The following CACNA1E variants were observed in gnomAD, a reference collection of about 807,000 sequenced individuals.
CACNA1E encodes the protein voltage-dependent R-type calcium channel subunit alpha-1E.
A neutral mutation model predicts 259.2 loss-of-function variants in CACNA1E; 40 were observed. The ratio of observed to expected loss-of-function variants is 0.15; its 90% CI spans 0.12 to 0.20. The LOEUF (loss-of-function observed/expected upper bound fraction) is 0.20, where lower values mean the gene tolerates loss of function less well. CACNA1E is among the 10% of genes least tolerant of loss of function. The pLI is 1.00. For synonymous variants in CACNA1E, 1,104 were observed against 1,138.5 expected (o/e 0.97, Z 0.61); for missense variants, 1,874 against 3,040.1 (o/e 0.62, Z 9.02).
rs780928285 is a variant in CACNA1E at position 181,798,861 on chromosome 1, T to C, written c.*27T>C. ...GGCTGCTCCCCCCTCCGATGCATGC[T>C]CTTCTCTCACATGGAGAAAACCAAG... is the stretch of plus-strand genomic sequence containing the variant. On this transcript the variant is annotated 3_prime_UTR_variant, in exon 48 of 48. Transcript: ENST00000367573. This position sits in a 1 kb window ranked among gnomAD's most constrained non-coding sequence, Gnocchi z 4.2. 4.7e-6 allele frequency: 7 copies of C among 1,483,130 alleles called. No individual in the cohort carries two copies. Among genetic ancestry groups the C allele is most frequent in the Non-Finnish European group, 6.2e-6 (7 of 1,120,386 alleles). The allele number at this position is 1,483,130 out of a possible 1,614,324, so 91.9% of individuals were successfully genotyped here. A position where few individuals can be genotyped will look rare whatever the true frequency, so the allele number is the denominator to read the frequency against.
At chr1:181,407,104 T>C (rs1657518746) in intron 1 of CACNA1E, among the ~76,000 whole-genome samples, 1 of 152,192 alleles carries the variant, frequency 6.6e-6, no homozygotes, top group African/African-American at 2.4e-5. Context: ...TGTGTTTTCC[T>C]TGAGTCTTGG....
chr1:181,482,540 C>G (rs1366772759), upstream of CACNA1E, among the ~76,000 whole-genome samples: 1 of 152,256 alleles, frequency 6.6e-6, no homozygotes, highest in African/African-American at 2.4e-5. Flanking sequence ...AACCTCCAGC[C>G]TTCCGGCTGC....
At chr1:181,664,478 A>G (rs1050164001) in intron 7 of CACNA1E, among the ~76,000 whole-genome samples, 6 of 152,134 alleles carry the variant, frequency 3.9e-5, no homozygotes, top group Non-Finnish European at 8.8e-5. Flanking sequence ...GGACTTTATT[A>G]TTAGGAAGAA....
At chr1:181,580,506 G>A in intron 5 of CACNA1E, 89 bp from the exon 6 acceptor site, 1 of 1,277,010 alleles carries the variant, frequency 7.8e-7, no homozygotes, top group Non-Finnish European at 1.1e-6. Context: ...TGGGGGAATG[G>A]AATTGCTTGC....
At chr1:181,747,449 CATTTTT>C (rs1657194998) in intron 25 of CACNA1E, among the ~76,000 whole-genome samples, 2 of 117,322 alleles carry the variant, frequency 1.7e-5, no homozygotes, top group African/African-American at 3.0e-5. Context: ...AAAAATCTGT[CATTTTT>C]TTTTTTTTTT....
intron 6 of CACNA1E, among the ~76,000 whole-genome samples, chr1:181,628,843 G>C (rs1258676974): frequency 2.0e-5 from 3 of 152,230 alleles, no homozygotes; most frequent in Non-Finnish European, 4.4e-5. Flanking sequence ...GATTGATCTT[G>C]AGTTGGCAGT....
intron 2 of CACNA1E, among the ~76,000 whole-genome samples, chr1:181,477,253 CT>C: frequency 6.6e-6 from 1 of 151,988 alleles, no homozygotes; most frequent in East Asian, 1.9e-4. Context: ...GTATTCTTCC[CT>C]TTTCCAGCTG....
At chr1:181,335,059 C>G (rs1237520379) in intron 1 of CACNA1E, among the ~76,000 whole-genome samples, 2 of 152,252 alleles carry the variant, frequency 1.3e-5, no homozygotes, top group African/African-American at 2.4e-5. Context: ...CTGGCATGCT[C>G]TTCTCCAGGT....
At chr1:181,697,084 C>T (rs1329006175) in intron 7 of CACNA1E, among the ~76,000 whole-genome samples, 1 of 152,158 alleles carries the variant, frequency 6.6e-6, no homozygotes, top group Non-Finnish European at 1.5e-5. Flanking sequence ...CCTATCCTTT[C>T]ATCTGAGTAC....
At chr1:181,491,228 T>G (rs1024231757) in intron 1 of CACNA1E, among the ~76,000 whole-genome samples, 3 of 152,342 alleles carry the variant, frequency 2.0e-5, no homozygotes, top group Admixed American at 6.5e-5. Context: ...TCCATCAACA[T>G]CAAGGCTAAT....
At chr1:181,503,344 C>T (rs1665431745) in intron 1 of CACNA1E, among the ~76,000 whole-genome samples, 1 of 152,214 alleles carries the variant, frequency 6.6e-6, no homozygotes, top group Non-Finnish European at 1.5e-5. Context: ...CTGTTCTTAG[C>T]CCTGGCCTGG....
intron 1 of CACNA1E, among the ~76,000 whole-genome samples, chr1:181,364,532 G>A (rs1305942059): frequency 1.3e-5 from 2 of 152,208 alleles, no homozygotes; most frequent in South Asian, 2.1e-4. Context: ...AGACCTCAGA[G>A]ATCTTATACA....
chr1:181,462,702 A>G (rs1284010489), intron 2 of CACNA1E, among the ~76,000 whole-genome samples: 1 of 152,182 alleles, frequency 6.6e-6, no homozygotes, highest in African/African-American at 2.4e-5. Context: ...CTACATGTGC[A>G]TTTATGAAAA....
intron 1 of CACNA1E, among the ~76,000 whole-genome samples, chr1:181,333,651 CT>C (rs1004566364): frequency 1.3e-5 from 2 of 151,968 alleles, no homozygotes; most frequent in African/African-American, 4.8e-5. Context: ...TTCTTCATTT[CT>C]TTTTCTTTCT....
chr1:181,630,510 GTCCA>G (rs1429362691), intron 6 of CACNA1E, among the ~76,000 whole-genome samples: 1 of 152,068 alleles, frequency 6.6e-6, no homozygotes, highest in Non-Finnish European at 1.5e-5. Context: ...CAGGCAGGAG[GTCCA>G]TCTCACCACC....
Position 181,734,155 on chromosome 1 carries a change from G to A in CACNA1E, c.3262+405G>A, listed in dbSNP as rs140652067. On this transcript the variant is annotated intron_variant, in intron 21 of 47. Transcript: ENST00000367573. ...ATGGCTCTGCTCACTGAGTGATCTTGGAAAAATCTCTGCATCTCTTGAGGC... is the reference window on the plus strand; with the variant it reads ...ATGGCTCTGCTCACTGAGTGATCTTAGAAAAATCTCTGCATCTCTTGAGGC... 2.1e-3 allele frequency among the ~76,000 whole-genome samples: 327 copies of A among 152,158 alleles called. 1 individual carries two copies. The highest frequency in any genetic ancestry group is 7.2e-3 in the African/African-American group (299 of 41,482).
intron 6 of CACNA1E, among the ~76,000 whole-genome samples, chr1:181,583,957 A>G (rs1352569395): frequency 6.6e-6 from 1 of 152,176 alleles, no homozygotes; most frequent in East Asian, 1.9e-4. Context: ...TATGTCTTCC[A>G]CAGTACAATG....
chr1:181,480,900 A>C (rs2102451720), upstream of CACNA1E, among the ~76,000 whole-genome samples: 1 of 152,336 alleles, frequency 6.6e-6, no homozygotes, highest in African/African-American at 2.4e-5. Flanking sequence ...GAAGGGACTC[A>C]AAGATACTTC....
intron 32 of CACNA1E, among the ~76,000 whole-genome samples, chr1:181,761,189 T>C (rs1000725357): frequency 2.6e-5 from 4 of 152,236 alleles, no homozygotes; most frequent in Admixed American, 2.0e-4. Context: ...AGCTACCTTA[T>C]GGCCTTAGCT....
Sources: allele counts gnomAD v4.1 joint callset (sites outside exome capture counted in the v4.1 genomes callset), GRCh38; gene constraint gnomAD v4.1.1; non-coding constraint Gnocchi (gnomAD v3.1); transcripts MANE v1.5; gene names NCBI Gene and HGNC (gene_info 2026-07-23, HGNC 2026-07-21).